FOXN3: variants seen among roughly 807,000 people sequenced by gnomAD.
FOXN3 encodes forkhead box protein N3.
FOXN3 carries 7 observed loss-of-function variants against 38.4 expected under a neutral mutation model. The ratio of observed to expected loss-of-function variants is 0.18; its 90% CI spans 0.10 to 0.34. The LOEUF is 0.34. FOXN3 is among the 10% of genes least tolerant of loss of function. FOXN3 has a pLI of 1.00. For missense variants in FOXN3, 456 were observed against 613.4 expected (o/e 0.74, Z 2.71); for synonymous variants, 230 against 242.2 (o/e 0.95, Z 0.47).
chr14:89,546,574 C>T (rs942289625), intron 1 of FOXN3, among the ~76,000 whole-genome samples: 10 of 151,210 alleles, frequency 6.6e-5, no homozygotes, highest in South Asian at 2.1e-4. Context: ...CGTGATCCAC[C>T]CACCTCGGCC....
intron 4 of FOXN3, among the ~76,000 whole-genome samples, chr14:89,215,921 C>A (rs1026221898): frequency 2.6e-5 from 4 of 152,272 alleles, no homozygotes; most frequent in African/African-American, 4.8e-5. Context: ...ACCTTAAAGA[C>A]AAGCCAGCAT....
chr14:89,220,090 TTCC>T (rs565447472), intron 4 of FOXN3, among the ~76,000 whole-genome samples: 2 of 152,362 alleles, frequency 1.3e-5, no homozygotes, highest in Middle Eastern at 3.4e-3. Flanking sequence ...AAGCCACACC[TTCC>T]TCCTCCTTTC....
At chr14:89,232,927 C>T (rs902226160) in intron 4 of FOXN3, among the ~76,000 whole-genome samples, 2 of 152,200 alleles carry the variant, frequency 1.3e-5, no homozygotes, top group Non-Finnish European at 2.9e-5. Context: ...GAAAGCCACA[C>T]AGCATTTCTT....
intron 3 of FOXN3, among the ~76,000 whole-genome samples, chr14:89,281,320 G>A (rs1016178412): frequency 3.9e-5 from 6 of 152,162 alleles, no homozygotes; most frequent in African/African-American, 1.4e-4. Flanking sequence ...ATAACTTAAG[G>A]ATATTTGCTA....
At chr14:89,269,620 G>A (rs1886087916) in intron 4 of FOXN3, among the ~76,000 whole-genome samples, 1 of 151,772 alleles carries the variant, frequency 6.6e-6, no homozygotes, top group South Asian at 2.1e-4. Flanking sequence ...TCAGAAACTA[G>A]GGCAAGCTCC....
At chr14:89,282,378 T>C (rs1343116539) in intron 3 of FOXN3, among the ~76,000 whole-genome samples, 1 of 152,206 alleles carries the variant, frequency 6.6e-6, no homozygotes, top group Non-Finnish European at 1.5e-5. Context: ...CAGGTAGTTG[T>C]GACCACAGAG....
At chr14:89,517,151 A>T (rs1894222580) in intron 1 of FOXN3, among the ~76,000 whole-genome samples, 1 of 152,118 alleles carries the variant, frequency 6.6e-6, no homozygotes, top group African/African-American at 2.4e-5. Flanking sequence ...CCTACCTAGC[A>T]TGCACCCCAA....
chr14:89,534,263 A>T (rs1481276887), intron 1 of FOXN3, among the ~76,000 whole-genome samples: 1 of 151,128 alleles, frequency 6.6e-6, no homozygotes, highest in African/African-American at 2.4e-5. Context: ...GCACCACCAC[A>T]CCCAGCTAGT....
chr14:89,203,029 T>C (rs565835183), intron 4 of FOXN3, among the ~76,000 whole-genome samples: 13 of 125,750 alleles, frequency 1.0e-4, no homozygotes, highest in Non-Finnish European at 1.7e-4. Context: ...TTCCCTTTTT[T>C]AAACTTTAAG....
At chr14:89,175,852 C>T (rs1204523272) in intron 5 of FOXN3, among the ~76,000 whole-genome samples, 1 of 152,098 alleles carries the variant, frequency 6.6e-6, no homozygotes. Flanking sequence ...TGGCTGAGAT[C>T]CAGGGAGGTT....
At chr14:89,256,107 G>A (rs1044768015) in intron 4 of FOXN3, among the ~76,000 whole-genome samples, 6 of 152,120 alleles carry the variant, frequency 3.9e-5, no homozygotes, top group Non-Finnish European at 1.5e-5. Context: ...CAGAATGAGT[G>A]TGCTGGCACC....
intron 2 of FOXN3, among the ~76,000 whole-genome samples, chr14:89,355,784 T>G (rs974889592): frequency 1.3e-5 from 2 of 152,210 alleles, no homozygotes; most frequent in African/African-American, 2.4e-5. Flanking sequence ...TCAACAAAGT[T>G]TGGTATCCAC....
In FOXN3 at chr14:89,380,134, C is replaced by CG. The variant is rs370551369; in HGVS notation, c.544-29327dup. 4.5e-3 allele frequency among the ~76,000 whole-genome samples: 684 copies of CG among 152,104 alleles called. 6 individuals carry two copies. Among genetic ancestry groups the CG allele is most frequent in the African/African-American group, 0.016 (655 of 41,492 alleles). Reference sequence around the variant, plus strand: ...ATTCCCACATGTCGGGGGAGGGACCCGGGGGGAAGTAATTGAATCATAGGG... The same window carrying CG: ...ATTCCCACATGTCGGGGGAGGGACCCGGGGGGGAAGTAATTGAATCATAGGG... On this transcript the variant is annotated intron_variant, in intron 2 of 5. Transcript: ENST00000557258.
At chr14:89,177,777 T>C (rs1887561989) in intron 5 of FOXN3, among the ~76,000 whole-genome samples, 1 of 152,108 alleles carries the variant, frequency 6.6e-6, no homozygotes, top group Non-Finnish European at 1.5e-5. Context: ...CAGAACTGTG[T>C]TCCCTTAGGG....
At chr14:89,207,377 G>T (rs1040572122) in intron 4 of FOXN3, among the ~76,000 whole-genome samples, 1 of 151,978 alleles carries the variant, frequency 6.6e-6, no homozygotes, top group Non-Finnish European at 1.5e-5. Flanking sequence ...AGCTTTTGGG[G>T]AAATACAAAC....
At chr14:89,444,962 A>C (rs1892463366) in intron 1 of FOXN3, among the ~76,000 whole-genome samples, 1 of 152,102 alleles carries the variant, frequency 6.6e-6, no homozygotes, top group South Asian at 2.1e-4. Flanking sequence ...CTCTACAAAA[A>C]AAATACAAAA....
At position 89,562,671 on chromosome 14, in the gene FOXN3, G is replaced by A. The variant is rs555047462; in HGVS notation, c.-15+56357C>T. ...TTCTGGCCTCATGTAGACCTTCAAA[G>A]GGTTATTACAAGGACATCACACAAA... On this transcript the variant is annotated intron_variant, in intron 1 of 6. Transcript: ENST00000345097. 2.6e-5 allele frequency among the ~76,000 whole-genome samples: 4 copies of A among 152,288 alleles called. No homozygotes were observed. The East Asian group carries it at 7.7e-4, about 29-fold the overall frequency.
intron 1 of FOXN3, among the ~76,000 whole-genome samples, chr14:89,542,102 C>T (rs766269437): frequency 2.0e-5 from 3 of 152,040 alleles, no homozygotes; most frequent in Non-Finnish European, 2.9e-5. Flanking sequence ...AGATAGAGTA[C>T]GATGTTCCTG....
intron 1 of FOXN3, among the ~76,000 whole-genome samples, chr14:89,577,703 C>T (rs933482831): frequency 1.3e-5 from 2 of 152,194 alleles, no homozygotes; most frequent in African/African-American, 4.8e-5. Context: ...GGAGTGCCTG[C>T]TTCGGACCCG....
Sources: allele counts gnomAD v4.1 joint callset (sites outside exome capture counted in the v4.1 genomes callset), GRCh38; gene constraint gnomAD v4.1.1; transcripts MANE v1.5; gene names NCBI Gene and HGNC (gene_info 2026-07-23, HGNC 2026-07-21).